The following SIPA1L2 variants were observed in gnomAD, a reference collection of about 807,000 sequenced individuals.
SIPA1L2 encodes signal-induced proliferation-associated 1-like protein 2.
SIPA1L2 carries 56 observed loss-of-function variants against 163.9 expected under a neutral mutation model. The ratio of observed to expected loss-of-function variants is 0.34; its 90% confidence interval spans 0.28 to 0.43. The LOEUF (loss-of-function observed/expected upper bound fraction) is 0.43, where lower values mean the gene tolerates loss of function less well. Ranked by LOEUF, SIPA1L2 falls within the 20% of genes least tolerant of loss-of-function variation. The pLI is 1.00. For missense variants in SIPA1L2, 1,974 were observed against 2,193.5 expected, an observed-to-expected ratio of 0.90 and a Z score of 2.00; for synonymous variants, 877 against 865.7, an observed-to-expected ratio of 1.01 and a Z score of -0.23.
intron 1 of SIPA1L2, among the ~76,000 whole-genome samples, chr1:232,593,141 T>C (rs1025292817): frequency 5.9e-5 from 9 of 152,182 alleles, no homozygotes; most frequent in African/African-American, 2.2e-4. Context: ...GTATCACGTA[T>C]TTACAACAAA....
Position 232,621,890 on chromosome 1 carries a change from C to T in SIPA1L2, c.-319+7979G>A, listed in dbSNP as rs568218409. On this transcript the variant is annotated intron_variant, in intron 1 of 22. Coordinates refer to ENST00000674635, the MANE Select transcript of SIPA1L2 (RefSeq NM_020808.5). ...GTCGACAGGTGTGCACCACCACACT[C>T]GGCTCATTTTAAAATTTTCTGTAGA... is the stretch of plus-strand genomic sequence containing the variant. Among the ~76,000 whole-genome samples, 42 of 152,210 alleles carry T rather than the reference C, an allele frequency of 2.8e-4. No homozygotes were observed. The South Asian group carries it at 7.9e-3, about 29-fold the overall frequency.
chr1:232,534,078 C>A (rs1383131456), intron 2 of SIPA1L2, among the ~76,000 whole-genome samples: 2 of 151,446 alleles, frequency 1.3e-5, no homozygotes, highest in Non-Finnish European at 2.9e-5. Context: ...CCCCAAATAG[C>A]CAAAACAATC....
At chr1:232,430,488 A>G (rs903493899) in intron 16 of SIPA1L2, among the ~76,000 whole-genome samples, 2 of 152,274 alleles carry the variant, frequency 1.3e-5, no homozygotes, top group African/African-American at 2.4e-5. Context: ...TTTCTTCTTC[A>G]GTGCACAATG....
chr1:232,472,646 C>T (rs1039956650), intron 7 of SIPA1L2, among the ~76,000 whole-genome samples: 2 of 152,168 alleles, frequency 1.3e-5, no homozygotes, highest in Admixed American at 6.5e-5. Flanking sequence ...TACAACAATC[C>T]TTACACAACT....
chr1:232,414,134 ATT>A (rs1661112756), intron 19 of SIPA1L2, among the ~76,000 whole-genome samples: 1 of 151,414 alleles, frequency 6.6e-6, no homozygotes, highest in Admixed American at 6.6e-5. Flanking sequence ...CTCTTCTGAA[ATT>A]TCTACAAGGA....
At chr1:232,476,995 T>C (rs140117926) in intron 7 of SIPA1L2, among the ~76,000 whole-genome samples, 1 of 152,290 alleles carries the variant, frequency 6.6e-6, no homozygotes, top group African/African-American at 2.4e-5. Context: ...ATTTCTACCT[T>C]TGGTATTAAC....
chr1:232,608,317 G>A (rs1662072342), intron 1 of SIPA1L2, among the ~76,000 whole-genome samples: 1 of 152,146 alleles, frequency 6.6e-6, no homozygotes. Context: ...CAAAGTACTG[G>A]GATCACAGGC....
At chr1:232,430,598 T>C (rs1489313380) in intron 16 of SIPA1L2, among the ~76,000 whole-genome samples, 6 of 152,214 alleles carry the variant, frequency 3.9e-5, no homozygotes, top group African/African-American at 1.4e-4. Context: ...ATCTAGTTAG[T>C]GCAGTCCTGT....
rs990578000 is a variant in SIPA1L2 at position 232,465,218 on chromosome 1, C to T, written c.2442G>A (p.Glu814=). 2 of 1,614,172 alleles carry T rather than the reference C, an allele frequency of 1.2e-6. No homozygotes were observed. Among genetic ancestry groups the T allele is most frequent in the Non-Finnish European group, 1.7e-6 (2 of 1,180,034 alleles). The stretch of plus-strand genomic sequence containing the variant: ...CCACGGTGGCGGTTGTGACAAAGTT[C>T]TCCGCCAGATCTTTCAAGTACTCCT... ...TRQEYLKDLA[E]NFVTTATVDT... is the part of the protein sequence containing the mutation. Residue 814 remains glutamate (E), a synonymous_variant, in exon 9 of 23, where the codon GAG becomes GAA. Transcript: ENST00000674635. This position sits in a 1 kb window ranked among gnomAD's most constrained non-coding sequence, Gnocchi z 4.1.
At chr1:232,500,442 A>G (rs1293504819) in intron 3 of SIPA1L2, among the ~76,000 whole-genome samples, 2 of 152,252 alleles carry the variant, frequency 1.3e-5, no homozygotes, top group African/African-American at 4.8e-5. Context: ...AACGTTTATG[A>G]TTCATGAGAG....
At chr1:232,572,417 C>T (rs376875159) in intron 2 of SIPA1L2, among the ~76,000 whole-genome samples, 1 of 152,120 alleles carries the variant, frequency 6.6e-6, no homozygotes, top group Non-Finnish European at 1.5e-5. Context: ...TCAGTCTCAA[C>T]GGTTTTCATT....
rs939443791 is a variant in SIPA1L2, at chr1:232,471,600, C to T, written c.2086-72G>A. On this transcript the variant is annotated intron_variant, in intron 7 of 22. Coordinates refer to ENST00000674635, the MANE Select transcript of SIPA1L2 (RefSeq NM_020808.5). ...CAAAATATATATATAATTCACTCAT[C>T]TTTCAATTTGAAGGAGTGATTTTTA... 5.5e-6 allele frequency: 7 copies of T among 1,265,564 alleles called. No individual in the cohort carries two copies. In the African/African-American group the frequency reaches 7.8e-5, roughly 14 times the overall value. The allele number at this position is 1,265,564 out of a possible 1,614,324, so 78.4% of individuals were successfully genotyped here. A position where few individuals can be genotyped will look rare whatever the true frequency, so the allele number is the denominator to read the frequency against.
Position 232,465,077 on chromosome 1 carries a change from G to T in SIPA1L2, c.2583C>A (p.Ala861=). 6.2e-7 allele frequency: 1 copy of T among 1,614,118 alleles called. No individual in the cohort carries two copies. Among genetic ancestry groups the T allele is most frequent in the Non-Finnish European group, 8.5e-7 (1 of 1,180,030 alleles). The change falls in exon 9 of 23, where the codon GCC becomes GCA. Residue 861 remains alanine, a synonymous_variant. Coordinates refer to ENST00000674635, the MANE Select transcript of SIPA1L2 (RefSeq NM_020808.5). This position sits in a 1 kb window ranked among gnomAD's most constrained non-coding sequence, Gnocchi z 4.1. ...SIGAIMWHVI[A]RDFGQSADIE... is the part of the protein sequence containing the mutation. ...TGTCAGCAGACTGGCCGAAGTCCCG[G>T]GCTATCACGTGCCACATGATGGCCC...
chr1:232,544,112 C>T (rs1008593065), intron 2 of SIPA1L2, among the ~76,000 whole-genome samples: 1 of 106,782 alleles, frequency 9.4e-6, no homozygotes, highest in Non-Finnish European at 1.9e-5. Flanking sequence ...TTATGTACCC[C>T]CCAACAGAAA....
At chr1:232,470,344 AGG>A (rs1664740195) in intron 8 of SIPA1L2, among the ~76,000 whole-genome samples, 1 of 152,224 alleles carries the variant, frequency 6.6e-6, no homozygotes, top group Admixed American at 6.5e-5. Context: ...GCCATAGACT[AGG>A]GCTATGTTTA....
chr1:232,528,096 A>AT (rs1432261214), intron 2 of SIPA1L2, among the ~76,000 whole-genome samples: 18 of 132,086 alleles, frequency 1.4e-4, no homozygotes, highest in South Asian at 9.7e-4. Context: ...ATATATATAT[A>AT]TATATAATCA....
chr1:232,419,701 T>C (rs1661456651), intron 18 of SIPA1L2, among the ~76,000 whole-genome samples: 3 of 152,230 alleles, frequency 2.0e-5, no homozygotes, highest in Admixed American at 2.0e-4. Flanking sequence ...GCCAGCACTA[T>C]GCTTCCTGAA....
At chr1:232,574,722 C>A (rs571577526) in intron 1 of SIPA1L2, among the ~76,000 whole-genome samples, 1 of 152,096 alleles carries the variant, frequency 6.6e-6, no homozygotes, top group Non-Finnish European at 1.5e-5. Flanking sequence ...TTTTTAAGAA[C>A]GTCAAAGGAA....
intron 2 of SIPA1L2, among the ~76,000 whole-genome samples, chr1:232,559,785 G>C (rs890686140): frequency 6.6e-5 from 10 of 151,930 alleles, no homozygotes; most frequent in African/African-American, 2.4e-4. Flanking sequence ...AGAAGCCTTG[G>C]TTCAAAATAT....
Sources: gnomAD v4.1 joint callset for allele counts (sites outside exome capture counted in the v4.1 genomes callset) on GRCh38, gnomAD v4.1.1 for gene constraint, Gnocchi (gnomAD v3.1) non-coding constraint, MANE v1.5 for transcripts, NCBI Gene and HGNC (gene_info 2026-07-23, HGNC 2026-07-21) for gene names.